The following CDS1 variants were observed in gnomAD, a reference collection of about 807,000 sequenced individuals.
The protein encoded by CDS1 is phosphatidate cytidylyltransferase 1.
In CDS1, 41 loss-of-function variants were observed where a neutral mutation model predicts 62.1. The ratio of observed to expected loss-of-function variants is 0.66; its 90% CI spans 0.51 to 0.86. The LOEUF (loss-of-function observed/expected upper bound fraction) is 0.86, where lower values mean the gene tolerates loss of function less well. CDS1 is among the 40% of genes least tolerant of loss of function. The probability of loss-of-function intolerance (pLI) is 0.00; values close to 1 mark genes in which losing one functional copy is unlikely to be tolerated. For missense variants in CDS1, 470 were observed against 550.1 expected (o/e 0.85, Z 1.46); for synonymous variants, 185 against 192.6 (o/e 0.96, Z 0.32).
At chr4:84,640,475 T>G (rs2148659482) in intron 9 of CDS1, among the ~76,000 whole-genome samples, 1 of 152,202 alleles carries the variant, frequency 6.6e-6, no homozygotes, top group Non-Finnish European at 1.5e-5. Context: ...CCTGTACTAT[T>G]TTGTACTATT....
At chr4:84,631,754 C>A in intron 5 of CDS1, 65 bp from the exon 6 acceptor site, 1 of 1,350,822 alleles carries the variant, frequency 7.4e-7, no homozygotes, top group South Asian at 1.2e-5. Flanking sequence ...TTTATTTGGG[C>A]TCAAGGAATC....
intron 5 of CDS1, among the ~76,000 whole-genome samples, chr4:84,628,418 T>G (rs1480903465): frequency 6.6e-6 from 1 of 152,200 alleles, no homozygotes; most frequent in Non-Finnish European, 1.5e-5. Flanking sequence ...AAATATTTTT[T>G]TATCTATTTT....
rs138705892 is a variant in CDS1 at position 84,630,914 on chromosome 4, C to T, written c.581-905C>T. ...ATCCACCTCTGTAAAATAAACCTAT[C>T]TTTAGACGTTTACTGGTATTTTTGG... On this transcript the variant is annotated intron_variant, in intron 5 of 12. Coordinates refer to ENST00000295887, the MANE Select transcript of CDS1 (RefSeq NM_001263.4). Among the ~76,000 whole-genome samples the T allele has an allele frequency of 5.3e-4, 80 of 152,212 alleles. 1 individual carries two copies. The East Asian group carries it at 0.013, about 25-fold the overall frequency.
chr4:84,593,474 C>T lies in CDS1; in HGVS notation c.117+9956C>T, dbSNP rs531926977. Among the ~76,000 whole-genome samples, 160 of 151,896 alleles carry T rather than the reference C, an allele frequency of 1.1e-3. 2 individuals carry two copies. Among genetic ancestry groups the T allele is most frequent in the African/African-American group, 3.6e-3 (149 of 41,404 alleles). ...AGATTCAAGTTGCCCTGAGTATACA[C>T]TCTGATCAGCAGCAGTTACAAGGTT... On this transcript the variant is annotated intron_variant, in intron 1 of 12. Coordinates refer to ENST00000295887, the MANE Select transcript of CDS1 (RefSeq NM_001263.4).
chr4:84,607,083 C>G (rs1322493296), intron 2 of CDS1, among the ~76,000 whole-genome samples: 1 of 151,980 alleles, frequency 6.6e-6, no homozygotes, highest in Non-Finnish European at 1.5e-5. Context: ...GTTTGTTAAA[C>G]AATAGAGGGA....
At position 84,643,028 on chromosome 4, in the gene CDS1, G is replaced by A; in HGVS notation, c.1037G>A (p.Arg346Lys). The change falls in exon 11 of 13, where the codon AGA becomes AAA. Residue 346 changes from arginine to lysine, a missense_variant. Around this residue, in one of 5 missense-constraint regions of CDS1, gnomAD observed 214 missense variants for 242.4 expected, o/e 0.88. Coordinates refer to ENST00000295887, the MANE Select transcript of CDS1 (RefSeq NM_001263.4). ...PFLKAVLRQE[R>K]VSLYPFQIHS... ...CCCCTTCTTTCTCCTCTTTAGGAAA[G>A]AGTGAGCTTGTACCCTTTCCAGATC... 6.3e-7 allele frequency: 1 copy of A among 1,598,178 alleles called. No homozygotes were observed. The highest frequency in any genetic ancestry group is 8.5e-7 in the Non-Finnish European group (1 of 1,170,070).
chr4:84,592,300 T>G (rs1420583676), intron 1 of CDS1, among the ~76,000 whole-genome samples: 5 of 151,558 alleles, frequency 3.3e-5, no homozygotes, highest in Admixed American at 1.3e-4. Context: ...GCCTCCCAAG[T>G]AGCTGGGATT....
chr4:84,646,286 G>A (rs1724555891), intron 12 of CDS1, among the ~76,000 whole-genome samples: 1 of 151,910 alleles, frequency 6.6e-6, no homozygotes, highest in Admixed American at 6.6e-5. Context: ...TCAACTCCAG[G>A]CTTTGTTAAT....
chr4:84,585,096 G>GT (rs1327599475), intron 1 of CDS1, among the ~76,000 whole-genome samples: 4 of 152,154 alleles, frequency 2.6e-5, no homozygotes, highest in Non-Finnish European at 5.9e-5. Context: ...TCGGAATTAA[G>GT]TTTTTTCTTT....
At chr4:84,593,268 A>G (rs1363615679) in intron 1 of CDS1, among the ~76,000 whole-genome samples, 1 of 152,160 alleles carries the variant, frequency 6.6e-6, no homozygotes, top group Non-Finnish European at 1.5e-5. Flanking sequence ...AAAGGTATAC[A>G]AAGTATACAA....
At chr4:84,625,184 C>T (rs1305159732) in intron 5 of CDS1, among the ~76,000 whole-genome samples, 1 of 151,938 alleles carries the variant, frequency 6.6e-6, no homozygotes, top group South Asian at 2.1e-4. Context: ...TTTTTCTAAC[C>T]GTATACTTAT....
chr4:84,645,288 G>A lies in CDS1; in HGVS notation c.1219G>A (p.Ala407Thr). ...MDRFDCQYLM[A>T]TFVHVYITSF... is the part of the protein sequence containing the mutation. ...CAGATTTGATTGTCAGTATTTGATG[G>A]CAACTTTTGTACATGTGTACATCAC... is the stretch of plus-strand genomic sequence containing the variant. Residue 407 changes from alanine (A) to threonine (T), a missense_variant, in exon 12 of 13, where the codon GCA becomes ACA. Around this residue, in one of 5 missense-constraint regions of CDS1, gnomAD observed 68 missense variants for 81.5 expected, o/e 0.83. Coordinates refer to ENST00000295887, the MANE Select transcript of CDS1 (RefSeq NM_001263.4). 1 of 1,611,458 alleles carries A rather than the reference G, an allele frequency of 6.2e-7. No individual in the cohort carries two copies. The highest frequency in any genetic ancestry group is 8.5e-7 in the Non-Finnish European group (1 of 1,177,822).
At position 84,635,264 on chromosome 4, in the gene CDS1, G is replaced by T. The variant is rs768975884; in HGVS notation, c.723G>T (p.Trp241Cys). ...CTTTTTTTTTTTTTTTTAAAAACAG[G>T]TTCCTTGTTCCAATATCAAGTGTTA... ...VIQNLFEGMIWFLVPISSVIC... is the reference protein window; with the variant it reads ...VIQNLFEGMICFLVPISSVIC... Residue 241 changes from tryptophan (W) to cysteine (C), a missense_variant and splice_region_variant, in exon 8 of 13, where the codon TGG becomes TGT. Around this residue, in one of 5 missense-constraint regions of CDS1, gnomAD observed 214 missense variants for 242.4 expected, o/e 0.88. Coordinates refer to ENST00000295887, the MANE Select transcript of CDS1 (RefSeq NM_001263.4). The T allele has an allele frequency of 1.9e-5, 28 of 1,473,054 alleles. No individual in the cohort carries two copies. Among genetic ancestry groups the T allele is most frequent in the Admixed American group, 4.4e-5 (2 of 45,500 alleles). The allele number at this position is 1,473,054 out of a possible 1,614,324, so 91.2% of individuals were successfully genotyped here. A position where few individuals can be genotyped will look rare whatever the true frequency, so the allele number is the denominator to read the frequency against.
intron 1 of CDS1, among the ~76,000 whole-genome samples, chr4:84,598,055 G>T (rs1203123196): frequency 6.6e-6 from 1 of 151,534 alleles, no homozygotes; most frequent in Non-Finnish European, 1.5e-5. Context: ...GAACCCGGGA[G>T]GCAGAGATTG....
Position 84,619,377 on chromosome 4 carries a change from T to C in CDS1, c.441-17T>C, listed in dbSNP as rs1468183235. On this transcript the variant is annotated splice_polypyrimidine_tract_variant and intron_variant, in intron 4 of 12. Coordinates refer to ENST00000295887, the MANE Select transcript of CDS1 (RefSeq NM_001263.4). ...AAAGCTTCAAATATAGAAAAGCTAA[T>C]TGTTTTTAAATTATAGGTACTTTCT... 7.3e-7 allele frequency: 1 copy of C among 1,370,952 alleles called. No homozygotes were observed. The allele number at this position is 1,370,952 out of a possible 1,614,324, so 84.9% of individuals were successfully genotyped here.
At position 84,635,624 on chromosome 4, in the gene CDS1, TGCCTTCCTTCCTTCCTTCC is replaced by T. The variant is rs1560481569; in HGVS notation, c.810+274_810+292del. Among the ~76,000 whole-genome samples, 152 of 108,398 alleles carry T rather than the reference TGCCTTCCTTCCTTCCTTCC, an allele frequency of 1.4e-3. 1 individual carries two copies. Among genetic ancestry groups the T allele is most frequent in the Non-Finnish European group, 1.9e-3 (103 of 53,236 alleles). 71.1% of individuals were successfully genotyped at this position (108,398 alleles called of 152,430 possible). A position where few individuals can be genotyped will look rare whatever the true frequency, so the allele number is the denominator to read the frequency against. ...CTGCCTGCCTGCCTGCCTGCCTGCC[TGCCTTCCTTCCTTCCTTCC>T]TTCCTTCCTTCCTTCCTTCCTTCCT... On this transcript the variant is annotated intron_variant, in intron 8 of 12. Transcript: ENST00000295887.
chr4:84,611,458 TTC>T (rs2110054365), intron 3 of CDS1, among the ~76,000 whole-genome samples: 1 of 152,288 alleles, frequency 6.6e-6, no homozygotes, highest in South Asian at 2.1e-4. Flanking sequence ...TTCAATTCTA[TTC>T]ATAGCTCATA....
At chr4:84,584,121 C>T (rs1324797040) in intron 1 of CDS1, among the ~76,000 whole-genome samples, 2 of 152,146 alleles carry the variant, frequency 1.3e-5, no homozygotes, top group African/African-American at 4.8e-5. Context: ...TGCAATTCTT[C>T]TGTCTACCAG....
At chr4:84,619,192 A>T (rs569532091) in intron 4 of CDS1, among the ~76,000 whole-genome samples, 2 of 152,244 alleles carry the variant, frequency 1.3e-5, no homozygotes, top group East Asian at 3.9e-4. Flanking sequence ...GGTATGAACT[A>T]TGTTTGGTAA....
Sources: allele counts gnomAD v4.1 joint callset (sites outside exome capture counted in the v4.1 genomes callset), GRCh38; gene constraint gnomAD v4.1.1; regional missense constraint gnomAD v4.1.1; transcripts MANE v1.5; gene names NCBI Gene and HGNC (gene_info 2026-07-23, HGNC 2026-07-21).